TFDP2: variants seen among roughly 807,000 people sequenced by gnomAD.
TFDP2 encodes the protein transcription factor Dp-2 (E2F dimerization partner 2).
In TFDP2, 17 loss-of-function variants were observed where a neutral mutation model predicts 59.3. The ratio of observed to expected loss-of-function variants is 0.29; its 90% CI spans 0.20 to 0.43. The LOEUF (loss-of-function observed/expected upper bound fraction) is 0.43. Among genes scored for constraint, TFDP2 ranks in the 20% least tolerant of loss-of-function variants. The pLI is 1.00. For missense variants in TFDP2, 391 were observed against 528.8 expected (o/e 0.74, Z 2.56); for synonymous variants, 180 against 194.7 (o/e 0.92, Z 0.63).
intron 1 of TFDP2, among the ~76,000 whole-genome samples, chr3:142,148,120 A>G (rs1480340387): frequency 1.1e-5 from 1 of 94,128 alleles, no homozygotes; most frequent in Admixed American, 9.5e-5. Flanking sequence ...CATGGCCCAG[A>G]AAAAAAAAAA....
intron 3 of TFDP2, among the ~76,000 whole-genome samples, chr3:142,075,906 C>CAAAAAAA (rs60581045): frequency 0.079 from 6,342 of 79,996 alleles, 218 homozygotes; most frequent in Non-Finnish European, 0.12. Flanking sequence ...GAACCTGCCT[C>CAAAAAAA]AAAAAAAAAA....
intron 6 of TFDP2, among the ~76,000 whole-genome samples, chr3:141,984,415 T>G (rs1576576562): frequency 6.6e-6 from 1 of 152,250 alleles, no homozygotes; most frequent in East Asian, 1.9e-4. Context: ...AAGAACTGCT[T>G]GAACCCAGGA....
intron 6 of TFDP2, among the ~76,000 whole-genome samples, chr3:141,985,788 A>G (rs1453333154): frequency 6.6e-6 from 1 of 152,222 alleles, no homozygotes; most frequent in African/African-American, 2.4e-5. Context: ...AATTAAAAAC[A>G]TTTGTGCCTC....
At chr3:141,957,240 C>A (rs189156103) in intron 11 of TFDP2, among the ~76,000 whole-genome samples, 6 of 152,242 alleles carry the variant, frequency 3.9e-5, no homozygotes, top group Middle Eastern at 3.4e-3. Context: ...ATCACTTGAA[C>A]CTGGGAGGTG....
intron 1 of TFDP2, among the ~76,000 whole-genome samples, chr3:142,140,115 T>A (rs2062888209): frequency 6.6e-6 from 1 of 152,214 alleles, no homozygotes; most frequent in Non-Finnish European, 1.5e-5. Context: ...TTTCATTAAT[T>A]TGATCTTTAA....
At chr3:142,085,227 T>C (rs1465709927) in intron 3 of TFDP2, among the ~76,000 whole-genome samples, 1 of 152,244 alleles carries the variant, frequency 6.6e-6, no homozygotes, top group East Asian at 1.9e-4. Flanking sequence ...TCAATAATTA[T>C]ACATTTATAA....
chr3:142,052,803 C>T (rs376511040), intron 3 of TFDP2, among the ~76,000 whole-genome samples: 1 of 151,932 alleles, frequency 6.6e-6, no homozygotes, highest in Non-Finnish European at 1.5e-5. Context: ...CTTAGATTTC[C>T]CTTTTCTTTT....
At chr3:142,025,913 G>A (rs1472958802) in intron 3 of TFDP2, among the ~76,000 whole-genome samples, 2 of 151,304 alleles carry the variant, frequency 1.3e-5, no homozygotes, top group African/African-American at 2.4e-5. Context: ...GCAGTGAGCC[G>A]AGATCACACC....
At position 142,089,866 on chromosome 3, in the gene TFDP2, GT is replaced by G. The variant is rs996339160; in HGVS notation, c.82+3194del. Among the ~76,000 whole-genome samples, 152 of 151,986 alleles carry G rather than the reference GT, an allele frequency of 1.0e-3. 1 individual carries two copies. Among genetic ancestry groups the G allele is most frequent in the African/African-American group, 3.6e-3 (148 of 41,472 alleles). On this transcript the variant is annotated intron_variant, in intron 3 of 12. Coordinates refer to ENST00000489671, the MANE Select transcript of TFDP2 (RefSeq NM_001178139.2). ...ACCAGTTTTATAACTTTAAAACATA[GT>G]TATATAAATAATTATGAAAAATTAC...
At chr3:142,006,677 G>C (rs1326982764) in intron 3 of TFDP2, among the ~76,000 whole-genome samples, 1 of 151,954 alleles carries the variant, frequency 6.6e-6, no homozygotes, top group Non-Finnish European at 1.5e-5. Flanking sequence ...ATGTTGCCCA[G>C]CCTGGTCTCA....
intron 3 of TFDP2, among the ~76,000 whole-genome samples, chr3:142,065,721 C>T (rs2060055966): frequency 6.6e-6 from 1 of 151,986 alleles, no homozygotes; most frequent in Non-Finnish European, 1.5e-5. Context: ...CCATGTTGGC[C>T]AGGCTGGTCT....
At chr3:142,042,043 T>C (rs1282946809) in intron 3 of TFDP2, among the ~76,000 whole-genome samples, 1 of 152,216 alleles carries the variant, frequency 6.6e-6, no homozygotes, top group Non-Finnish European at 1.5e-5. Flanking sequence ...AATAACACAT[T>C]ATCTTGATTA....
chr3:142,042,246 C>T (rs1034633418), intron 3 of TFDP2, among the ~76,000 whole-genome samples: 1 of 151,924 alleles, frequency 6.6e-6, no homozygotes, highest in Non-Finnish European at 1.5e-5. Flanking sequence ...TTGTCTTTTG[C>T]TAATAACAGT....
At chr3:142,147,658 C>T (rs191181147) in intron 1 of TFDP2, among the ~76,000 whole-genome samples, 8 of 152,246 alleles carry the variant, frequency 5.3e-5, no homozygotes, top group Admixed American at 5.2e-4. Context: ...CTTTTATTAA[C>T]AAATGTAAGG....
In TFDP2 at chr3:141,974,034, A is replaced by T. The variant is rs201667857; in HGVS notation, c.663+14T>A. On this transcript the variant is annotated intron_variant, in intron 8 of 12. Transcript: ENST00000489671. ...AATGCAAACAGCTATTCATAAACAG[A>T]TTTTCTCACTTACCTCCAGATTCTG... is the stretch of plus-strand genomic sequence containing the variant. 1.2e-5 allele frequency: 19 copies of T among 1,605,768 alleles called. No homozygotes were observed. Among genetic ancestry groups the T allele is most frequent in the Middle Eastern group, 3.3e-4 (2 of 6,048 alleles).
intron 6 of TFDP2, 46 bp downstream of exon 6, chr3:141,993,492 C>G: frequency 7.5e-7 from 1 of 1,326,744 alleles, no homozygotes; most frequent in Non-Finnish European, 1.1e-6. Flanking sequence ...AACAGCCTCT[C>G]TATATAGCCA....
At position 141,953,008 on chromosome 3, in the gene TFDP2, T is replaced by C. The variant is rs1032750259; in HGVS notation, c.1060A>G (p.Thr354Ala). 2.5e-6 allele frequency: 4 copies of C among 1,612,598 alleles called. No individual in the cohort carries two copies. The highest frequency in any genetic ancestry group is 3.4e-6 in the Non-Finnish European group (4 of 1,179,106). ...CCCTGATTTAACCAAGAAGGTCCTG[T>C]GGAGATATCTAAAGGAAAAAATGAG... ...ALEGYITDIS[T>A]GPSWLNQGLL... is the part of the protein sequence containing the mutation. The change falls in exon 12 of 13, where the codon ACA becomes GCA. Residue 354 changes from threonine (T) to alanine (A), a missense_variant. Around this residue, in one of 3 missense-constraint regions of TFDP2, gnomAD observed 223 missense variants for 292.5 expected, o/e 0.76. Coordinates refer to ENST00000489671, the MANE Select transcript of TFDP2 (RefSeq NM_001178139.2).
intron 3 of TFDP2, among the ~76,000 whole-genome samples, chr3:142,029,898 T>G (rs908487315): frequency 2.6e-5 from 4 of 152,242 alleles, no homozygotes; most frequent in Admixed American, 6.5e-5. Context: ...GCTTAGTTTA[T>G]TTCAGTTCAC....
chr3:142,040,477 G>A (rs891914543), intron 3 of TFDP2, among the ~76,000 whole-genome samples: 24 of 151,824 alleles, frequency 1.6e-4, no homozygotes, highest in Admixed American at 5.9e-4. Flanking sequence ...ATCCAGGCTG[G>A]AGTGCAATAG....
Sources: allele counts gnomAD v4.1 joint callset (sites outside exome capture counted in the v4.1 genomes callset), GRCh38; gene constraint gnomAD v4.1.1; regional missense constraint gnomAD v4.1.1; transcripts MANE v1.5; gene names NCBI Gene and HGNC (gene_info 2026-07-23, HGNC 2026-07-21).